The following EMB variants were observed in gnomAD, a reference collection of about 807,000 sequenced individuals.
EMB encodes the protein embigin homolog.
EMB carries 31 observed loss-of-function variants against 41.4 expected under a neutral mutation model. The ratio of observed to expected loss-of-function variants is 0.75; its 90% CI spans 0.56 to 1.01. The LOEUF is 1.01. Ranked by LOEUF, EMB falls within the 50% of genes least tolerant of loss-of-function variation. The probability of loss-of-function intolerance (pLI) is 0.00; values close to 1 mark genes in which losing one functional copy is unlikely to be tolerated. For synonymous variants in EMB, 137 were observed against 140.4 expected (o/e 0.98, Z 0.17); for missense variants, 379 against 388.3 (o/e 0.98, Z 0.20).
At chr5:50,401,880 T>A (rs908617675) in intron 7 of EMB, among the ~76,000 whole-genome samples, 2 of 151,962 alleles carry the variant, frequency 1.3e-5, no homozygotes, top group African/African-American at 4.8e-5. Context: ...TTAAAGAGGC[T>A]CTTAAGTGAT....
At chr5:50,412,217 T>G (rs916158571) in intron 2 of EMB, among the ~76,000 whole-genome samples, 3 of 146,428 alleles carry the variant, frequency 2.0e-5, no homozygotes, top group Non-Finnish European at 3.0e-5. Flanking sequence ...GTGTTTATCT[T>G]GAAAACAATA....
rs1473089349 is a variant in EMB, at chr5:50,411,309, T to A, written c.271A>T (p.Thr91Ser). 2 of 1,613,236 alleles carry A rather than the reference T, an allele frequency of 1.2e-6. No homozygotes were observed. The highest frequency in any genetic ancestry group is 1.1e-5 in the South Asian group (1 of 90,972). Residue 91 changes from threonine (T) to serine (S), a missense_variant, in exon 3 of 9, where the codon ACA becomes TCA. Coordinates refer to ENST00000303221, the MANE Select transcript of EMB (RefSeq NM_198449.3). The stretch of plus-strand genomic sequence containing the variant: ...ACTGCATTCAAATCCCCAGATGTTG[T>A]GAACTGGCATGTGAGATTTACATTA... ...PSNVNLTCQF[T>S]TSGDLNAVNV...
At chr5:50,432,449 G>A (rs2111859571) in intron 1 of EMB, among the ~76,000 whole-genome samples, 1 of 152,126 alleles carries the variant, frequency 6.6e-6, no homozygotes. Context: ...TCATAAAATA[G>A]AGATTTGGAA....
intron 2 of EMB, among the ~76,000 whole-genome samples, chr5:50,425,463 C>T (rs1745594250): frequency 6.6e-6 from 1 of 151,756 alleles, no homozygotes; most frequent in African/African-American, 2.4e-5. Context: ...CTATAACACA[C>T]TGATTGAGCA....
At chr5:50,418,054 C>A (rs955194990) in intron 2 of EMB, among the ~76,000 whole-genome samples, 1 of 152,146 alleles carries the variant, frequency 6.6e-6, no homozygotes, top group African/African-American at 2.4e-5. Context: ...AAAAACAATT[C>A]TGTTTGAATT....
intron 2 of EMB, among the ~76,000 whole-genome samples, chr5:50,425,739 A>ACCCAGGCTGGAGTGCC (rs1561138427): frequency 0.035 from 2,256 of 64,040 alleles, 81 homozygotes; most frequent in African/African-American, 0.21. Flanking sequence ...GGACTCTTGC[A>ACCCAGGCTGGAGTGCC]GTGGCACAAT....
intron 2 of EMB, among the ~76,000 whole-genome samples, chr5:50,416,511 T>C (rs181263246): frequency 5.6e-4 from 86 of 152,264 alleles, no homozygotes; most frequent in African/African-American, 1.9e-3. Context: ...TGTTCTTTAT[T>C]AAGAAAAAGA....
intron 2 of EMB, among the ~76,000 whole-genome samples, chr5:50,422,092 G>GT (rs1012393011): frequency 3.9e-5 from 6 of 151,938 alleles, no homozygotes; most frequent in South Asian, 2.1e-4. Context: ...AAGAAAATCT[G>GT]TTTTTTTAAA....
intron 4 of EMB, among the ~76,000 whole-genome samples, chr5:50,408,914 C>CA (rs1561132476): frequency 6.6e-6 from 1 of 151,664 alleles, no homozygotes; most frequent in African/African-American, 2.4e-5. Context: ...TTTATTTTAC[C>CA]AAGGAAGATT....
At chr5:50,412,967 G>A (rs1044521667) in intron 2 of EMB, among the ~76,000 whole-genome samples, 3 of 149,274 alleles carry the variant, frequency 2.0e-5, no homozygotes, top group African/African-American at 7.4e-5. Flanking sequence ...ACTAGAGCAA[G>A]AGCAGTAAGA....
chr5:50,402,203 C>G lies in EMB; in HGVS notation c.911+83G>C, dbSNP rs552113663. 2.2e-3 allele frequency: 3,123 copies of G among 1,446,316 alleles called. 4 individuals carry two copies. The highest frequency in any genetic ancestry group is 2.6e-3 in the Non-Finnish European group (2,716 of 1,032,956). The allele number at this position is 1,446,316 out of a possible 1,614,324, so 89.6% of individuals were successfully genotyped here. A position where few individuals can be genotyped will look rare whatever the true frequency, so the allele number is the denominator to read the frequency against. ...AAAATACTCCTCTGCCTTTTCTCCC[C>G]CTAACTGCAAACATTTCATTCAATT... On this transcript the variant is annotated intron_variant, in intron 7 of 8. Coordinates refer to ENST00000303221, the MANE Select transcript of EMB (RefSeq NM_198449.3).
intron 1 of EMB, among the ~76,000 whole-genome samples, chr5:50,435,730 T>G (rs1429208030): frequency 6.6e-6 from 1 of 152,232 alleles, no homozygotes; most frequent in Non-Finnish European, 1.5e-5. Flanking sequence ...GAAGAGTTAC[T>G]TTGAATCTTT....
At chr5:50,441,683 G>A (rs1745918683), upstream of EMB, among the ~76,000 whole-genome samples, 1 of 152,178 alleles carries the variant, frequency 6.6e-6, no homozygotes, top group Admixed American at 6.5e-5. Context: ...TTATCCAGCT[G>A]CCAGACAACT....
At chr5:50,418,670 T>C (rs983540466) in intron 2 of EMB, among the ~76,000 whole-genome samples, 1 of 152,196 alleles carries the variant, frequency 6.6e-6, no homozygotes, top group Non-Finnish European at 1.5e-5. Flanking sequence ...ATCACGTGCC[T>C]TTATTCTAGG....
intron 4 of EMB, among the ~76,000 whole-genome samples, chr5:50,408,560 T>C (rs1411333880): frequency 6.6e-6 from 1 of 152,036 alleles, no homozygotes; most frequent in Non-Finnish European, 1.5e-5. Flanking sequence ...GCTGATGAAT[T>C]GTTCTGAAGA....
chr5:50,406,275 T>A (rs928250425), intron 4 of EMB, among the ~76,000 whole-genome samples: 1 of 151,842 alleles, frequency 6.6e-6, no homozygotes, highest in African/African-American at 2.4e-5. Flanking sequence ...GGATAGGAAA[T>A]CTTTAGTTGA....
chr5:50,431,144 G>T (rs1745714125), intron 1 of EMB, among the ~76,000 whole-genome samples: 1 of 152,154 alleles, frequency 6.6e-6, no homozygotes, highest in African/African-American at 2.4e-5. Flanking sequence ...TCAAGCTTCA[G>T]GTTCCACGGA....
chr5:50,401,044 C>T (rs1325629650), intron 7 of EMB, among the ~76,000 whole-genome samples: 3 of 151,918 alleles, frequency 2.0e-5, no homozygotes, highest in African/African-American at 4.8e-5. Context: ...ACAAGAAAAA[C>T]GCCAATACGT....
intron 4 of EMB, 112 bp downstream of exon 4, chr5:50,410,765 T>C: frequency 1.4e-6 from 1 of 707,726 alleles, no homozygotes; most frequent in Non-Finnish European, 2.2e-6. Flanking sequence ...ATGACTTTCT[T>C]TCAGCTACAT....
Sources: allele counts gnomAD v4.1 joint callset (sites outside exome capture counted in the v4.1 genomes callset), GRCh38; gene constraint gnomAD v4.1.1; transcripts MANE v1.5; gene names NCBI Gene and HGNC (gene_info 2026-07-23, HGNC 2026-07-21).